The following PTPRM variants were observed in gnomAD, a reference collection of about 807,000 sequenced individuals.
PTPRM encodes protein tyrosine phosphatase receptor type M.
PTPRM carries 47 observed loss-of-function variants against 186.7 expected under a neutral mutation model. The ratio of observed to expected loss-of-function variants is 0.25; its 90% confidence interval spans 0.20 to 0.32. The LOEUF (loss-of-function observed/expected upper bound fraction) is 0.32, where lower values mean the gene tolerates loss of function less well. Ranked by LOEUF, PTPRM falls within the 10% of genes least tolerant of loss-of-function variation. PTPRM has a pLI of 1.00. For synonymous variants in PTPRM, 668 were observed against 674.9 expected (o/e 0.99, Z 0.16); for missense variants, 1,494 against 1,865.0 (o/e 0.80, Z 3.66).
intron 1 of PTPRM, among the ~76,000 whole-genome samples, chr18:7,670,797 A>G (rs910001609): frequency 6.6e-6 from 1 of 152,180 alleles, no homozygotes; most frequent in Non-Finnish European, 1.5e-5. Flanking sequence ...AACACCTCAA[A>G]TGAATTCTGC....
chr18:8,249,306 G>A (rs1421081999), intron 17 of PTPRM, among the ~76,000 whole-genome samples: 1 of 151,934 alleles, frequency 6.6e-6, no homozygotes, highest in Non-Finnish European at 1.5e-5. Context: ...TGTTGCCTAA[G>A]GAAAAAATGA....
chr18:7,895,930 A>T, intron 3 of PTPRM, among the ~76,000 whole-genome samples: 1 of 152,232 alleles, frequency 6.6e-6, no homozygotes, highest in East Asian at 1.9e-4. Context: ...TTGCCACAGT[A>T]GTCATTTTGT....
chr18:8,233,604 T>C (rs2094312615), intron 14 of PTPRM, among the ~76,000 whole-genome samples: 1 of 152,200 alleles, frequency 6.6e-6, no homozygotes, highest in Admixed American at 6.5e-5. Context: ...TCCAAGTTTA[T>C]GGCTTCTTTC....
At chr18:8,125,624 T>A (rs188430039) in intron 13 of PTPRM, among the ~76,000 whole-genome samples, 60 of 152,130 alleles carry the variant, frequency 3.9e-4, no homozygotes, top group Admixed American at 1.2e-3. Context: ...AAAAAAATGC[T>A]TTGCTAAGTT....
chr18:7,847,824 G>A (rs1448674257), intron 2 of PTPRM, among the ~76,000 whole-genome samples: 1 of 152,174 alleles, frequency 6.6e-6, no homozygotes, highest in Non-Finnish European at 1.5e-5. Context: ...TCCTTTGCCA[G>A]CTGGTGGCAT....
At chr18:7,853,288 A>C (rs1226472221) in intron 2 of PTPRM, among the ~76,000 whole-genome samples, 1 of 152,178 alleles carries the variant, frequency 6.6e-6, no homozygotes, top group African/African-American at 2.4e-5. Flanking sequence ...TGTTATCCTT[A>C]TGTGAGTTAC....
intron 7 of PTPRM, among the ~76,000 whole-genome samples, chr18:7,991,290 C>T (rs533641914): frequency 6.6e-6 from 1 of 152,106 alleles, no homozygotes; most frequent in Admixed American, 6.5e-5. Context: ...TAAGGGACAC[C>T]ATGCCTTTAA....
In PTPRM at chr18:7,966,790, G is replaced by A. The variant is rs1256927405; in HGVS notation, c.1132+11376G>A. On this transcript the variant is annotated intron_variant, in intron 7 of 32. Coordinates refer to ENST00000580170, the MANE Select transcript of PTPRM (RefSeq NM_001105244.2). ...CACCACGAGACTATATCCCACACCT[G>A]GCTCGGAGGGTCCTACGCCCACGGA... Among the ~76,000 whole-genome samples the A allele has an allele frequency of 4.5e-5, 6 of 134,586 alleles. 1 individual carries two copies. Among genetic ancestry groups the A allele is most frequent in the Admixed American group, 1.5e-4 (2 of 13,244 alleles). 88.3% of individuals were successfully genotyped at this position (134,586 alleles called of 152,430 possible).
intron 14 of PTPRM, among the ~76,000 whole-genome samples, chr18:8,189,327 TGAA>T (rs1358160545): frequency 6.8e-6 from 1 of 148,010 alleles, no homozygotes; most frequent in Non-Finnish European, 1.5e-5. Flanking sequence ...GAAAGGTAAA[TGAA>T]GAAAACATCC....
At chr18:8,022,272 T>C (rs1343824213) in intron 7 of PTPRM, among the ~76,000 whole-genome samples, 1 of 152,182 alleles carries the variant, frequency 6.6e-6, no homozygotes, top group Non-Finnish European at 1.5e-5. Flanking sequence ...TCACTGTGAA[T>C]TTATGAAAAA....
At chr18:8,170,316 A>G (rs1405994019) in intron 14 of PTPRM, among the ~76,000 whole-genome samples, 1 of 152,178 alleles carries the variant, frequency 6.6e-6, no homozygotes, top group East Asian at 1.9e-4. Flanking sequence ...CAGCCAAGAA[A>G]AGGTCCCGGT....
intron 7 of PTPRM, among the ~76,000 whole-genome samples, chr18:7,983,663 G>A (rs1320053745): frequency 6.6e-6 from 1 of 152,060 alleles, no homozygotes; most frequent in Non-Finnish European, 1.5e-5. Flanking sequence ...ACTGCTCCTA[G>A]TTCTGTCTCA....
At chr18:7,829,150 G>A (rs973316624) in intron 2 of PTPRM, among the ~76,000 whole-genome samples, 1 of 152,128 alleles carries the variant, frequency 6.6e-6, no homozygotes, top group Non-Finnish European at 1.5e-5. Flanking sequence ...TATAGATGAT[G>A]ATAACAGTGA....
chr18:7,688,938 G>T (rs1171815152), intron 1 of PTPRM, among the ~76,000 whole-genome samples: 1 of 152,100 alleles, frequency 6.6e-6, no homozygotes, highest in Non-Finnish European at 1.5e-5. Flanking sequence ...GACTGTGAGG[G>T]AGGTTTCAGC....
At chr18:8,035,759 T>C (rs1412482831) in intron 7 of PTPRM, among the ~76,000 whole-genome samples, 1 of 152,158 alleles carries the variant, frequency 6.6e-6, no homozygotes, top group Non-Finnish European at 1.5e-5. Flanking sequence ...CAGACATGTT[T>C]ATTACCTTGA....
intron 14 of PTPRM, among the ~76,000 whole-genome samples, chr18:8,184,116 C>T (rs1348843958): frequency 1.3e-5 from 2 of 152,176 alleles, no homozygotes; most frequent in Non-Finnish European, 2.9e-5. Context: ...CCACCCTAAC[C>T]AGAAGATCTT....
chr18:7,848,390 C>A (rs375387655), intron 2 of PTPRM, among the ~76,000 whole-genome samples: 36 of 152,270 alleles, frequency 2.4e-4, no homozygotes, highest in African/African-American at 8.2e-4. Context: ...AAGAATAGGC[C>A]AACCCCAATA....
intron 19 of PTPRM, among the ~76,000 whole-genome samples, chr18:8,263,087 C>G (rs1392087190): frequency 6.6e-6 from 1 of 152,046 alleles, no homozygotes; most frequent in Admixed American, 6.6e-5. Context: ...TTATTGAAAG[C>G]CAACCTGTTT....
intron 7 of PTPRM, among the ~76,000 whole-genome samples, chr18:8,065,746 C>A (rs1002309256): frequency 3.3e-5 from 5 of 152,154 alleles, no homozygotes; most frequent in African/African-American, 1.2e-4. Context: ...ATTTATTACC[C>A]TTTTATCTAA....
Sources: gnomAD v4.1 joint callset for allele counts (sites outside exome capture counted in the v4.1 genomes callset) on GRCh38, gnomAD v4.1.1 for gene constraint, MANE v1.5 for transcripts, NCBI Gene and HGNC (gene_info 2026-07-23, HGNC 2026-07-21) for gene names.